The following SLC14A2 variants were observed in gnomAD, a reference collection of about 807,000 sequenced individuals.
The protein encoded by SLC14A2 is urea transporter 2.
Under a neutral mutation model 104.6 loss-of-function variants are expected in SLC14A2, and 91 were observed. The observed-to-expected ratio is 0.87, with a 90% CI of 0.73 to 1.04. The LOEUF (loss-of-function observed/expected upper bound fraction) is 1.04. Ranked by LOEUF, SLC14A2 falls within the 50% of genes least tolerant of loss-of-function variation. The probability of loss-of-function intolerance (pLI) is 0.00; values close to 1 mark genes in which losing one functional copy is unlikely to be tolerated. For missense variants in SLC14A2, 1,189 were observed against 1,156.0 expected, an observed-to-expected ratio of 1.03 and a Z score of -0.41; for synonymous variants, 476 against 466.4, an observed-to-expected ratio of 1.02 and a Z score of -0.27.
intron 1 of SLC14A2, among the ~76,000 whole-genome samples, chr18:45,287,908 A>G (rs184562131): frequency 1.1e-4 from 17 of 152,294 alleles, no homozygotes; most frequent in African/African-American, 4.1e-4. Flanking sequence ...CCTTGACCCC[A>G]GAGGATACTG....
chr18:45,296,546 A>G (rs2084919390), intron 1 of SLC14A2, among the ~76,000 whole-genome samples: 1 of 152,150 alleles, frequency 6.6e-6, no homozygotes, highest in Non-Finnish European at 1.5e-5. Context: ...GGTCCTTTCC[A>G]TCTTCCCGGT....
At position 45,334,463 on chromosome 18, in the gene SLC14A2, G is replaced by A. The variant is rs532694686; in HGVS notation, c.-125+121272G>A. Among the ~76,000 whole-genome samples the A allele has an allele frequency of 1.8e-3, 267 of 152,256 alleles. 1 individual carries two copies. Among genetic ancestry groups the A allele is most frequent in the Middle Eastern group, 6.8e-3 (2 of 294 alleles). On this transcript the variant is annotated intron_variant, in intron 1 of 20. Transcript: ENST00000586448. Reference sequence around the variant, plus strand: ...TACTACAGTGGCAGTAGTAAAAGAAGTTAGCAAATTCCCATTACACCACCT... The same window carrying A: ...TACTACAGTGGCAGTAGTAAAAGAAATTAGCAAATTCCCATTACACCACCT...
At chr18:45,227,080 TTCA>T (rs1364981154) in intron 1 of SLC14A2, among the ~76,000 whole-genome samples, 1 of 152,268 alleles carries the variant, frequency 6.6e-6, no homozygotes, top group South Asian at 2.1e-4. Context: ...GCCAGCACTA[TTCA>T]TCATCATTTA....
chr18:45,282,787 C>T (rs932463600), intron 1 of SLC14A2, among the ~76,000 whole-genome samples: 4 of 152,070 alleles, frequency 2.6e-5, no homozygotes, highest in African/African-American at 9.7e-5. Context: ...GTTTGGTTTG[C>T]TCTAATTTAT....
intron 2 of SLC14A2, among the ~76,000 whole-genome samples, chr18:45,576,967 G>A (rs1218522894): frequency 6.6e-6 from 1 of 152,180 alleles, no homozygotes; most frequent in Admixed American, 6.5e-5. Flanking sequence ...TGTCTAGTTT[G>A]AATAATTTCA....
rs1568227971 is a variant in SLC14A2, at chr18:45,475,656, T to TATATATATATATATTTAGG, written c.-124-7563_-124-7562insTTAGGATATATATATATAT. Among the ~76,000 whole-genome samples, 258 of 65,676 alleles carry TATATATATATATATTTAGG rather than the reference T, an allele frequency of 3.9e-3. 1 individual carries two copies. The highest frequency in any genetic ancestry group is 0.019 in the African/African-American group (242 of 12,576). 43.1% of individuals were successfully genotyped at this position (65,676 alleles called of 152,430 possible). ...TATATATTTAGGATATATATATATA[T>TATATATATATATATTTAGG]ATATATATATATATATATATATATA... On this transcript the variant is annotated intron_variant, in intron 1 of 20. Coordinates refer to the SLC14A2 transcript ENST00000586448.
chr18:45,523,327 GTTTC>G (rs2043543556), intron 2 of SLC14A2, among the ~76,000 whole-genome samples: 1 of 150,266 alleles, frequency 6.7e-6, no homozygotes, highest in African/African-American at 2.4e-5. Context: ...TTTTTTTTTT[GTTTC>G]TTTGTTTGTT....
intron 1 of SLC14A2, among the ~76,000 whole-genome samples, chr18:45,383,206 G>C (rs2085857328): frequency 6.6e-6 from 1 of 152,212 alleles, no homozygotes; most frequent in African/African-American, 2.4e-5. Flanking sequence ...TAGGTCTCCT[G>C]ATTCAAATAC....
the SLC14A2 span, among the ~76,000 whole-genome samples, chr18:45,176,499 C>G: frequency 6.6e-6 from 1 of 152,120 alleles, no homozygotes; most frequent in Non-Finnish European, 1.5e-5. Flanking sequence ...TCTTCACTTC[C>G]TCCCATTCCC....
intron 1 of SLC14A2, among the ~76,000 whole-genome samples, chr18:45,286,209 C>G (rs534995262): frequency 6.6e-6 from 1 of 152,176 alleles, no homozygotes; most frequent in African/African-American, 2.4e-5. Context: ...GCCCAGCCAC[C>G]TTTATTACTG....
At chr18:45,566,494 C>T (rs1167028501) in intron 2 of SLC14A2, among the ~76,000 whole-genome samples, 2 of 139,672 alleles carry the variant, frequency 1.4e-5, no homozygotes, top group Non-Finnish European at 3.1e-5. Context: ...CCTCGACATG[C>T]ATGTACATGC....
upstream of SLC14A2, among the ~76,000 whole-genome samples, chr18:45,212,579 C>T (rs1018773833): frequency 3.9e-5 from 6 of 152,140 alleles, no homozygotes; most frequent in Admixed American, 1.3e-4. Context: ...GTAATAATGG[C>T]CCCTAATCTT....
chr18:45,673,972 G>A (rs1391735343), intron 18 of SLC14A2, among the ~76,000 whole-genome samples, 155 bp downstream of exon 18: 1 of 152,148 alleles, frequency 6.6e-6, no homozygotes, highest in Non-Finnish European at 1.5e-5. Flanking sequence ...CGGTGGTGGA[G>A]GTTTGATTGT....
intron 1 of SLC14A2, among the ~76,000 whole-genome samples, chr18:45,458,001 T>C (rs2086975514): frequency 6.6e-6 from 1 of 152,146 alleles, no homozygotes; most frequent in Non-Finnish European, 1.5e-5. Context: ...CATGTGAGCC[T>C]TCGTAGGAGA....
At chr18:45,340,072 T>A (rs1422076645) in intron 1 of SLC14A2, among the ~76,000 whole-genome samples, 1 of 152,232 alleles carries the variant, frequency 6.6e-6, no homozygotes, top group African/African-American at 2.4e-5. Flanking sequence ...GTAGGTCACA[T>A]GTGCTATCTG....
At position 45,583,051 on chromosome 18, in the gene SLC14A2, T is replaced by C. The variant is rs143860706; in HGVS notation, c.-34-41580T>C. 5.2e-3 allele frequency among the ~76,000 whole-genome samples: 785 copies of C among 152,326 alleles called. 6 individuals are homozygous for C. The highest frequency in any genetic ancestry group is 0.018 in the African/African-American group (752 of 41,574). On this transcript the variant is annotated intron_variant, in intron 2 of 20. Transcript: ENST00000586448. ...GGCTTCAAGGTTAGATGTTCTACAT[T>C]CCAATTATCCTTTGCTGGAAAGAGA...
intron 1 of SLC14A2, among the ~76,000 whole-genome samples, chr18:45,481,790 G>A (rs2087498348): frequency 6.6e-6 from 1 of 152,148 alleles, no homozygotes; most frequent in African/African-American, 2.4e-5. Flanking sequence ...CACATTTTCA[G>A]GACTTCTGTG....
chr18:45,247,678 T>TTA (rs1163787490), intron 1 of SLC14A2, among the ~76,000 whole-genome samples: 2 of 151,846 alleles, frequency 1.3e-5, no homozygotes, highest in Non-Finnish European at 2.9e-5. Context: ...CTGACATCAG[T>TTA]TGGTTATTCT....
chr18:45,641,962 A>T (rs2045535731), intron 8 of SLC14A2, among the ~76,000 whole-genome samples: 1 of 152,200 alleles, frequency 6.6e-6, no homozygotes, highest in South Asian at 2.1e-4. Context: ...AAATATACAA[A>T]CTCACTTAAT....
Sources: gnomAD v4.1 joint callset for allele counts (sites outside exome capture counted in the v4.1 genomes callset) on GRCh38, gnomAD v4.1.1 for gene constraint, MANE v1.5 for transcripts, NCBI Gene and HGNC (gene_info 2026-07-23, HGNC 2026-07-21) for gene names.